PHACTR1: variants seen among roughly 807,000 people sequenced by gnomAD.
PHACTR1 encodes the protein phosphatase and actin regulator 1.
A neutral mutation model predicts 69.2 loss-of-function variants in PHACTR1; 16 were observed. That is an observed-to-expected ratio of 0.23 (90% confidence interval 0.16 to 0.35). The LOEUF (loss-of-function observed/expected upper bound fraction) is 0.35, where lower values mean the gene tolerates loss of function less well. Ranked by LOEUF, PHACTR1 falls within the 10% of genes least tolerant of loss-of-function variation. The probability of loss-of-function intolerance (pLI) is 1.00; values close to 1 mark genes in which losing one functional copy is unlikely to be tolerated. For synonymous variants in PHACTR1, 312 were observed against 284.5 expected (o/e 1.10, Z -0.97); for missense variants, 510 against 734.7 (o/e 0.69, Z 3.54).
intron 5 of PHACTR1, among the ~76,000 whole-genome samples, chr6:13,088,440 G>A (rs61067728): frequency 0.088 from 13,408 of 151,888 alleles, 1,979 homozygotes; most frequent in African/African-American, 0.3. Flanking sequence ...TTCTCCCTAT[G>A]CTTTCTAACT....
chr6:13,047,377 CAAAA>C (rs35293642), intron 4 of PHACTR1, among the ~76,000 whole-genome samples: 8,685 of 54,582 alleles, frequency 0.16, 912 homozygotes, highest in African/African-American at 0.4. Context: ...AACCCTGTCT[CAAAA>C]AAAAAAAAAA....
At chr6:13,251,112 G>A (rs570146940) in intron 10 of PHACTR1, among the ~76,000 whole-genome samples, 2 of 152,314 alleles carry the variant, frequency 1.3e-5, no homozygotes, top group South Asian at 4.1e-4. Context: ...CCTGAGAAGG[G>A]CAGCTTTCAG....
At chr6:13,017,879 A>G (rs1800414807) in intron 4 of PHACTR1, among the ~76,000 whole-genome samples, 1 of 152,212 alleles carries the variant, frequency 6.6e-6, no homozygotes, top group African/African-American at 2.4e-5. Context: ...GGATTTAGAA[A>G]CAAGACGTAT....
At chr6:12,912,662 T>C (rs1420685777) in intron 4 of PHACTR1, among the ~76,000 whole-genome samples, 1 of 152,158 alleles carries the variant, frequency 6.6e-6, no homozygotes, top group Non-Finnish European at 1.5e-5. Context: ...TCTAAAAAAT[T>C]GGCTTGTAGG....
chr6:12,981,333 T>G (rs1795504075), intron 4 of PHACTR1, among the ~76,000 whole-genome samples: 1 of 152,226 alleles, frequency 6.6e-6, no homozygotes, highest in African/African-American at 2.4e-5. Context: ...GCAAGCTAAT[T>G]GGAACTGTCC....
chr6:12,918,799 T>G (rs1787303396), intron 4 of PHACTR1, among the ~76,000 whole-genome samples: 1 of 152,206 alleles, frequency 6.6e-6, no homozygotes, highest in South Asian at 2.1e-4. Context: ...AGGTGTCTAT[T>G]GGTGAAAGAG....
chr6:12,840,958 C>T (rs1455097051), intron 4 of PHACTR1, among the ~76,000 whole-genome samples: 1 of 152,234 alleles, frequency 6.6e-6, no homozygotes, highest in African/African-American at 2.4e-5. Flanking sequence ...CTCTCTCAGC[C>T]ATGCTGGGGC....
intron 4 of PHACTR1, among the ~76,000 whole-genome samples, chr6:12,903,243 G>A (rs866333656): frequency 3.3e-5 from 5 of 152,278 alleles, no homozygotes; most frequent in South Asian, 2.1e-4. Flanking sequence ...TAAGGATAAG[G>A]AAAGCACTTA....
intron 4 of PHACTR1, among the ~76,000 whole-genome samples, chr6:12,942,261 A>G (rs895299527): frequency 1.3e-5 from 2 of 152,238 alleles, no homozygotes; most frequent in Admixed American, 1.3e-4. Context: ...CATTATTTCC[A>G]TATGATTATG....
At chr6:12,788,297 G>A (rs1771805008) in intron 4 of PHACTR1, among the ~76,000 whole-genome samples, 1 of 152,094 alleles carries the variant, frequency 6.6e-6, no homozygotes, top group Non-Finnish European at 1.5e-5. Context: ...GCGAGATGAG[G>A]GCTTTGCTTT....
Position 12,845,429 on chromosome 6 carries a change from A to ACCC in PHACTR1, c.250+95651_250+95653dup, listed in dbSNP as rs1214194071. Among the ~76,000 whole-genome samples the ACCC allele has an allele frequency of 9.4e-4, 17 of 18,056 alleles. No individual in the cohort carries two copies. The South Asian group carries it at 0.017, about 19-fold the overall frequency. 11.8% of individuals were successfully genotyped at this position (18,056 alleles called of 152,430 possible). On this transcript the variant is annotated intron_variant, in intron 4 of 14. Coordinates refer to ENST00000332995, the MANE Select transcript of PHACTR1 (RefSeq NM_030948.6). ...CAAGATGTCATTGTGAACACCACCC[A>ACCC]CCCCCCCCCCCCCCGCCCTCCGTGC...
chr6:12,854,942 CA>C (rs1780196170), intron 4 of PHACTR1, among the ~76,000 whole-genome samples: 1 of 152,140 alleles, frequency 6.6e-6, no homozygotes, highest in Admixed American at 6.5e-5. Flanking sequence ...GGTGGGAACG[CA>C]AATTAGTACA....
chr6:13,223,935 A>G (rs1769114038), intron 8 of PHACTR1, among the ~76,000 whole-genome samples: 1 of 152,154 alleles, frequency 6.6e-6, no homozygotes, highest in South Asian at 2.1e-4. Context: ...ATGCTAACCA[A>G]GTCCAGAGCA....
chr6:13,193,083 C>T (rs985276938), intron 7 of PHACTR1, among the ~76,000 whole-genome samples: 2 of 151,858 alleles, frequency 1.3e-5, no homozygotes, highest in Admixed American at 6.6e-5. Flanking sequence ...ATGGTCCAGC[C>T]GTAGTTCTCA....
chr6:13,278,031 G>A, intron 11 of PHACTR1: 1 of 323,892 alleles, frequency 3.1e-6, no homozygotes, highest in Non-Finnish European at 5.9e-6. Flanking sequence ...GAAACCCCAT[G>A]TGATGTAAAG....
chr6:12,824,577 A>C (rs986011590), intron 4 of PHACTR1, among the ~76,000 whole-genome samples: 3 of 152,352 alleles, frequency 2.0e-5, no homozygotes, highest in African/African-American at 7.2e-5. Context: ...TTCTGAAAGA[A>C]GATGACTTAA....
chr6:12,796,360 T>TA (rs1338549271), intron 4 of PHACTR1, among the ~76,000 whole-genome samples: 1 of 152,240 alleles, frequency 6.6e-6, no homozygotes, highest in Non-Finnish European at 1.5e-5. Flanking sequence ...GCTATATTGC[T>TA]ATGTATTTCA....
chr6:12,786,082 A>G (rs1371856109), intron 4 of PHACTR1, among the ~76,000 whole-genome samples: 1 of 152,246 alleles, frequency 6.6e-6, no homozygotes, highest in Non-Finnish European at 1.5e-5. Flanking sequence ...AAAAATATCA[A>G]CATAGTGATT....
intron 4 of PHACTR1, among the ~76,000 whole-genome samples, chr6:12,819,177 T>C (rs544901771): frequency 6.6e-6 from 1 of 152,314 alleles, no homozygotes; most frequent in Admixed American, 6.5e-5. Flanking sequence ...TGCTTTCCTT[T>C]TGTTGAATTT....
Sources: allele counts gnomAD v4.1 joint callset (sites outside exome capture counted in the v4.1 genomes callset), GRCh38; gene constraint gnomAD v4.1.1; transcripts MANE v1.5; gene names NCBI Gene and HGNC (gene_info 2026-07-23, HGNC 2026-07-21).